NRP1: variants seen among roughly 807,000 people sequenced by gnomAD.
The protein encoded by NRP1 is neuropilin 1, also known as neuropilin-1.
NRP1 carries 35 observed loss-of-function variants against 106.7 expected under a neutral mutation model. That is an observed-to-expected ratio of 0.33 (90% CI 0.25 to 0.43). The LOEUF is 0.43. NRP1 is among the 20% of genes least tolerant of loss of function. NRP1 has a pLI of 1.00. For missense variants in NRP1, 1,024 were observed against 1,170.4 expected, an observed-to-expected ratio of 0.87 and a Z score of 1.83; for synonymous variants, 437 against 417.9, an observed-to-expected ratio of 1.05 and a Z score of -0.56.
chr10:33,260,166 A>G (rs2133219358), intron 4 of NRP1, among the ~76,000 whole-genome samples: 1 of 152,304 alleles, frequency 6.6e-6, no homozygotes, highest in Middle Eastern at 3.4e-3. Context: ...ACCTGGCCTA[A>G]AGGTATCCTT....
chr10:33,276,743 A>G (rs1843724273), intron 2 of NRP1, among the ~76,000 whole-genome samples: 1 of 152,100 alleles, frequency 6.6e-6, no homozygotes, highest in Non-Finnish European at 1.5e-5. Context: ...TCCACTGGTT[A>G]TTGTTGCTAG....
chr10:33,249,056 CAT>C (rs1841637242), intron 6 of NRP1, among the ~76,000 whole-genome samples: 2 of 135,356 alleles, frequency 1.5e-5, no homozygotes, highest in Non-Finnish European at 3.1e-5. Flanking sequence ...CAACAAAGTT[CAT>C]ATCCCACCCA....
At chr10:33,319,986 C>CG (rs1219723465) in intron 2 of NRP1, among the ~76,000 whole-genome samples, 1 of 151,666 alleles carries the variant, frequency 6.6e-6, no homozygotes, top group Non-Finnish European at 1.5e-5. Flanking sequence ...GAATAAATTC[C>CG]GGACACAAGG....
chr10:33,253,833 C>T (rs1019833905), intron 6 of NRP1, among the ~76,000 whole-genome samples, 195 bp downstream of exon 6: 3 of 152,150 alleles, frequency 2.0e-5, no homozygotes, highest in African/African-American at 4.8e-5. Context: ...GATCGTGTAG[C>T]GATGGGCTCA....
chr10:33,192,767 C>T (rs1406647796), intron 12 of NRP1, among the ~76,000 whole-genome samples: 2 of 152,174 alleles, frequency 1.3e-5, no homozygotes, highest in Non-Finnish European at 2.9e-5. Flanking sequence ...AATATGAAAG[C>T]CATTCTGTTC....
chr10:33,220,916 A>AG (rs1429198827), intron 8 of NRP1, among the ~76,000 whole-genome samples: 5 of 151,238 alleles, frequency 3.3e-5, no homozygotes, highest in Non-Finnish European at 7.4e-5. Context: ...AAAAAAAAAA[A>AG]AAAAAAAGAA....
At chr10:33,247,176 T>C (rs901542309) in intron 6 of NRP1, among the ~76,000 whole-genome samples, 5 of 152,224 alleles carry the variant, frequency 3.3e-5, no homozygotes, top group African/African-American at 1.2e-4. Context: ...GGGTTTCAAG[T>C]AACAAATTCT....
intron 6 of NRP1, among the ~76,000 whole-genome samples, chr10:33,241,455 C>T (rs1036005303): frequency 7.2e-6 from 1 of 139,514 alleles, no homozygotes; most frequent in Non-Finnish European, 1.5e-5. Flanking sequence ...ACAGATGTCA[C>T]ACTAACTACA....
At position 33,330,899 on chromosome 10, in the gene NRP1, AT is replaced by A. The variant is rs907848040; in HGVS notation, c.74-18del. On this transcript the variant is annotated intron_variant, in intron 1 of 16. Coordinates refer to ENST00000374867, the MANE Select transcript of NRP1 (RefSeq NM_003873.7). ...CACATTTATCTGCAATGAAAGTAAG[AT>A]TTTAGCAGATCTTTCCTGACAACCT... is the stretch of plus-strand genomic sequence containing the variant. 14 of 1,585,118 alleles carry A rather than the reference AT, an allele frequency of 8.8e-6. No individual in the cohort carries two copies. The African/African-American group carries it at 1.9e-4, about 21-fold the overall frequency.
intron 5 of NRP1, 140 bp from the exon 6 acceptor site, chr10:33,254,334 A>G (rs1842060434): frequency 1.3e-5 from 8 of 634,122 alleles, no homozygotes; most frequent in Non-Finnish European, 2.1e-5. Flanking sequence ...ATTGGAATAT[A>G]GCACTGATAC....
chr10:33,196,382 T>G (rs1023414288), intron 12 of NRP1, among the ~76,000 whole-genome samples: 8 of 152,190 alleles, frequency 5.3e-5, no homozygotes, highest in Non-Finnish European at 1.0e-4. Context: ...AACCAACTGG[T>G]GGTCACTACC....
rs1246937435 is a variant in NRP1 at position 33,213,612 on chromosome 10, C to T, written c.1388G>A (p.Arg463His). 4 of 1,614,028 alleles carry T rather than the reference C, an allele frequency of 2.5e-6. No individual in the cohort carries two copies. Among genetic ancestry groups the T allele is most frequent in the Middle Eastern group, 1.6e-4 (1 of 6,062 alleles). ...GDRNWMPENI[R>H]LVTSRSGWAL... ...CCAGCCAGAGCGACTGGTTACCAGG[C>T]GGATGTTTTCAGGCATCCAGTTTCT... is the stretch of plus-strand genomic sequence containing the variant. The change falls in exon 9 of 17, where the codon CGC becomes CAC. Residue 463 changes from arginine (R) to histidine (H), a missense_variant. By Grantham distance (29) the Arg-to-His change is conservative. Coordinates refer to ENST00000374867, the MANE Select transcript of NRP1 (RefSeq NM_003873.7).
intron 2 of NRP1, among the ~76,000 whole-genome samples, chr10:33,272,174 G>T (rs1215252752): frequency 6.6e-6 from 1 of 152,128 alleles, no homozygotes; most frequent in Non-Finnish European, 1.5e-5. Context: ...CAACTGCAAC[G>T]ATGCTATCAC....
intron 2 of NRP1, among the ~76,000 whole-genome samples, chr10:33,306,463 C>G (rs1441424449): frequency 2.0e-5 from 3 of 151,920 alleles, no homozygotes; most frequent in Non-Finnish European, 4.4e-5. Flanking sequence ...CATAAAGATT[C>G]TGAATTCAAA....
In NRP1 at chr10:33,214,874, A is replaced by T. The variant is rs541486326; in HGVS notation, c.1283-1157T>A. On this transcript the variant is annotated intron_variant, in intron 8 of 16. Coordinates refer to ENST00000374867, the MANE Select transcript of NRP1 (RefSeq NM_003873.7). ...AGTTTCAGTCTGAGACAATTATAAAATTCTGGAAATAGTGGTGATGCTTGC... is the reference window on the plus strand; with the variant it reads ...AGTTTCAGTCTGAGACAATTATAAATTTCTGGAAATAGTGGTGATGCTTGC... 7.4e-4 allele frequency among the ~76,000 whole-genome samples: 113 copies of T among 152,306 alleles called. 1 individual carries two copies. Among genetic ancestry groups the T allele is most frequent in the African/African-American group, 2.5e-3 (106 of 41,574 alleles).
intron 11 of NRP1, chr10:33,202,653 AG>A (rs1415221795): frequency 6.5e-7 from 1 of 1,541,268 alleles, no homozygotes; most frequent in Non-Finnish European, 8.8e-7. Context: ...AGATAATCCT[AG>A]CCTTTGGCTC....
intron 7 of NRP1, among the ~76,000 whole-genome samples, chr10:33,225,732 GT>G (rs1246573234): frequency 6.6e-6 from 1 of 152,182 alleles, no homozygotes; most frequent in Non-Finnish European, 1.5e-5. Context: ...ATGAAAAGAT[GT>G]TTTCTAAAAC....
chr10:33,185,401 T>C (rs1486007891), intron 15 of NRP1, among the ~76,000 whole-genome samples: 1 of 152,198 alleles, frequency 6.6e-6, no homozygotes, highest in Non-Finnish European at 1.5e-5. Context: ...TGGAGTTTTA[T>C]AGGTATCAAG....
intron 10 of NRP1, among the ~76,000 whole-genome samples, chr10:33,203,492 T>C (rs1837504617): frequency 1.3e-5 from 2 of 152,108 alleles, no homozygotes; most frequent in South Asian, 4.1e-4. Flanking sequence ...AGTGCAATAG[T>C]GTTTTTTTAA....
Sources: gnomAD v4.1 joint callset for allele counts (sites outside exome capture counted in the v4.1 genomes callset) on GRCh38, gnomAD v4.1.1 for gene constraint, MANE v1.5 for transcripts, NCBI Gene and HGNC (gene_info 2026-07-23, HGNC 2026-07-21) for gene names.